Variants in PDCD11 observed in about 807,000 individuals in gnomAD.
PDCD11 encodes the protein protein RRP5 homolog.
Under a neutral mutation model 198.9 loss-of-function variants are expected in PDCD11, and 97 were observed. That is an observed-to-expected ratio of 0.49 (90% confidence interval 0.41 to 0.58). PDCD11 has a LOEUF of 0.58. Ranked by LOEUF, PDCD11 falls within the 20% of genes least tolerant of loss-of-function variation. PDCD11 has a pLI of 0.00. For missense variants in PDCD11, 2,102 were observed against 2,312.7 expected (o/e 0.91, Z 1.87); for synonymous variants, 893 against 918.0 (o/e 0.97, Z 0.49).
chr10:103,444,521 G>A lies in PDCD11; in HGVS notation c.5283G>A (p.Val1761=). Residue 1761 remains valine, a synonymous_variant, in exon 35 of 36, where the codon GTG becomes GTA. Transcript: ENST00000369797. ...ALECLPSKEH[V]DVIAKFAQLE... ...TGAGCAGTCCTCTCCCTGCAGATGT[G>A]GATGTCATTGCCAAGTTTGCCCAGC... 1 of 1,614,078 alleles carries A rather than the reference G, an allele frequency of 6.2e-7. No homozygotes were observed. Among genetic ancestry groups the A allele is most frequent in the Non-Finnish European group, 8.5e-7 (1 of 1,179,980 alleles).
chr10:103,415,346 A>G (rs543126142), intron 12 of PDCD11, among the ~76,000 whole-genome samples, 195 bp downstream of exon 12: 2 of 152,282 alleles, frequency 1.3e-5, no homozygotes, highest in South Asian at 4.1e-4. Context: ...TTCATACGTG[A>G]TGAGAGAGCA....
Position 103,433,619 on chromosome 10 carries a change from G to A in PDCD11, c.3475-329G>A, listed in dbSNP as rs540373702. Among the ~76,000 whole-genome samples the A allele has an allele frequency of 1.6e-3, 245 of 152,344 alleles. 3 individuals carry two copies. The highest frequency in any genetic ancestry group is 5.8e-3 in the African/African-American group (241 of 41,574). ...CCTCTGGAGATGGTTAACAATCGCT[G>A]GGCACAGCTGAGCTTGGAGGAGGCT... On this transcript the variant is annotated intron_variant, in intron 22 of 35. Transcript: ENST00000369797.
intron 8 of PDCD11, 141 bp from the exon 9 acceptor site, chr10:103,412,975 G>A: frequency 3.0e-6 from 2 of 656,784 alleles, no homozygotes; most frequent in South Asian, 1.8e-5. Context: ...GAGTGTGGAA[G>A]CCAGTTTGAG....
chr10:103,423,355 T>A (rs569526974), intron 18 of PDCD11, among the ~76,000 whole-genome samples, 188 bp from the exon 19 acceptor site: 14 of 152,308 alleles, frequency 9.2e-5, no homozygotes, highest in Admixed American at 2.0e-4. Context: ...GTTACATAAA[T>A]TAAGGCCTAC....
chr10:103,416,811 T>A (rs2031136906), intron 13 of PDCD11, 69 bp downstream of exon 13: 1 of 1,545,864 alleles, frequency 6.5e-7, no homozygotes, highest in Non-Finnish European at 8.8e-7. Flanking sequence ...GAAGGAGCAG[T>A]AAGTAGTGGG....
intron 8 of PDCD11, among the ~76,000 whole-genome samples, chr10:103,410,092 A>G: frequency 6.6e-6 from 1 of 152,120 alleles, no homozygotes; most frequent in African/African-American, 2.4e-5. Flanking sequence ...AAAATTAGCC[A>G]GGCGTGGTGG....
chr10:103,445,069 C>G (rs1333327802), intron 35 of PDCD11, among the ~76,000 whole-genome samples: 1 of 152,200 alleles, frequency 6.6e-6, no homozygotes, highest in Non-Finnish European at 1.5e-5. Flanking sequence ...AAGCCCTTCA[C>G]TATGTATGTT....
chr10:103,418,273 C>T (rs1354184831), intron 14 of PDCD11, among the ~76,000 whole-genome samples, 167 bp from the exon 15 acceptor site: 1 of 152,062 alleles, frequency 6.6e-6, no homozygotes, highest in Non-Finnish European at 1.5e-5. Context: ...TGAATGTGCA[C>T]GTACATGCAT....
chr10:103,413,374 G>A (rs2030921437), intron 9 of PDCD11, 52 bp downstream of exon 9: 1 of 1,426,632 alleles, frequency 7.0e-7, no homozygotes. Context: ...AAGGACTTCT[G>A]GAGCACAGGG....
chr10:103,403,008 C>G (rs2030207908), intron 3 of PDCD11, 110 bp from the exon 4 acceptor site: 1 of 1,007,880 alleles, frequency 9.9e-7, no homozygotes, highest in Admixed American at 2.1e-5. Context: ...GGGCGTAAGC[C>G]ACTGTGCTTG....
At position 103,403,297 on chromosome 10, in the gene PDCD11, C is replaced by G. The variant is rs1592111567; in HGVS notation, c.402+12C>G. ...AACAACCTCTGAAGGTAAGGGAAAT[C>G]CGAATGAAGCCTGTTATTGAAAATA... On this transcript the variant is annotated intron_variant, in intron 4 of 35. Coordinates refer to ENST00000369797, the MANE Select transcript of PDCD11 (RefSeq NM_014976.2). 2 of 1,603,216 alleles carry G rather than the reference C, an allele frequency of 1.2e-6. No homozygotes were observed. Among genetic ancestry groups the G allele is most frequent in the Non-Finnish European group, 8.5e-7 (1 of 1,175,024 alleles).
chr10:103,436,129 C>G (rs759467348), intron 25 of PDCD11, among the ~76,000 whole-genome samples: 17 of 150,720 alleles, frequency 1.1e-4, no homozygotes, highest in Non-Finnish European at 1.8e-4. Flanking sequence ...GAGACAGAGT[C>G]TTGCTCTGTC....
chr10:103,405,213 G>A, intron 5 of PDCD11, 30 bp downstream of exon 5: 1 of 1,609,200 alleles, frequency 6.2e-7, no homozygotes, highest in Non-Finnish European at 8.5e-7. Flanking sequence ...GAGGAAGAGT[G>A]GCAATGTGCC....
In PDCD11 at chr10:103,443,209, T is replaced by C; in HGVS notation, c.5000T>C (p.Leu1667Pro). ...KLNVWVALLNLENMYGSQESL... is the reference protein window; with the variant it reads ...KLNVWVALLNPENMYGSQESL... ...AACGTGTGGGTGGCTCTGCTGAACC[T>C]GGAGAACATGTACGGCTCTCAGGAG... Residue 1667 changes from leucine (L) to proline (P), a missense_variant, in exon 33 of 36, where the codon CTG (leucine) becomes CCG (proline). By Grantham distance (98) the Leu-to-Pro change is moderately conservative. Coordinates refer to ENST00000369797, the MANE Select transcript of PDCD11 (RefSeq NM_014976.2). 1 of 1,606,658 alleles carries C rather than the reference T, an allele frequency of 6.2e-7. No homozygotes were observed. Among genetic ancestry groups the C allele is most frequent in the Non-Finnish European group, 8.5e-7 (1 of 1,174,372 alleles).
chr10:103,435,383 T>A (rs2032108313), intron 25 of PDCD11, among the ~76,000 whole-genome samples: 1 of 152,168 alleles, frequency 6.6e-6, no homozygotes, highest in African/African-American at 2.4e-5. Flanking sequence ...AGACAATACT[T>A]TTTTTGATAG....
chr10:103,436,896 T>C (rs2032175990), intron 25 of PDCD11, among the ~76,000 whole-genome samples: 1 of 152,216 alleles, frequency 6.6e-6, no homozygotes, highest in African/African-American at 2.4e-5. Flanking sequence ...GGACTACTAA[T>C]TGCCATTTTA....
rs750299374 is a variant in PDCD11, at chr10:103,406,127, G to A, written c.688+19G>A. On this transcript the variant is annotated intron_variant, in intron 6 of 35. Coordinates refer to ENST00000369797, the MANE Select transcript of PDCD11 (RefSeq NM_014976.2). ...AACAAAGGTGAGGGCAAGAAAAGGG[G>A]CCAGTACATGGTGGTGAGGTGGTAC... The A allele has an allele frequency of 1.9e-6, 3 of 1,613,640 alleles. No individual in the cohort carries two copies. The highest frequency in any genetic ancestry group is 2.2e-5 in the East Asian group (1 of 44,874).
chr10:103,403,027 G>C (rs1041644890), intron 3 of PDCD11, 91 bp from the exon 4 acceptor site: 15 of 1,249,002 alleles, frequency 1.2e-5, no homozygotes, highest in Non-Finnish European at 1.3e-5. Flanking sequence ...TGGCCTTATA[G>C]CTTTTAAATT....
intron 22 of PDCD11, among the ~76,000 whole-genome samples, chr10:103,432,738 C>T (rs891724748): frequency 2.6e-4 from 39 of 152,160 alleles, no homozygotes; most frequent in Admixed American, 2.6e-3. Flanking sequence ...GATTCCTCTT[C>T]GATGAGCATC....
Sources: allele counts gnomAD v4.1 joint callset (sites outside exome capture counted in the v4.1 genomes callset), GRCh38; gene constraint gnomAD v4.1.1; transcripts MANE v1.5; gene names NCBI Gene and HGNC (gene_info 2026-07-23, HGNC 2026-07-21).